UTRN: variants seen among roughly 807,000 people sequenced by gnomAD.
UTRN encodes dystrophin-related protein 1.
UTRN carries 283 observed loss-of-function variants against 463.9 expected under a neutral mutation model. The observed-to-expected ratio is 0.61, with a 90% confidence interval of 0.55 to 0.67. The LOEUF (loss-of-function observed/expected upper bound fraction) is 0.67, where lower values mean the gene tolerates loss of function less well. Ranked by LOEUF, UTRN falls within the 30% of genes least tolerant of loss-of-function variation. UTRN has a pLI of 0.00. For synonymous variants in UTRN, 1,442 were observed against 1,431.5 expected (o/e 1.01, Z -0.17); for missense variants, 3,922 against 4,084.3 (o/e 0.96, Z 1.08).
intron 51 of UTRN, among the ~76,000 whole-genome samples, chr6:144,611,600 C>T (rs967259283): frequency 6.7e-6 from 1 of 149,412 alleles, no homozygotes; most frequent in Non-Finnish European, 1.5e-5. Context: ...TAAACAATCC[C>T]ATTTACAGTA....
At position 144,771,818 on chromosome 6, in the gene UTRN, A is replaced by C. The variant is rs1794054766; in HGVS notation, c.8496-89A>C. ...CATGTATTTTTAAAAATTTGAAAAAAATCATTTCTACTTGGGTATTTCGTT... is the reference window on the plus strand; with the variant it reads ...CATGTATTTTTAAAAATTTGAAAAACATCATTTCTACTTGGGTATTTCGTT... On this transcript the variant is annotated intron_variant, in intron 58 of 74. Coordinates refer to ENST00000367545, the MANE Select transcript of UTRN (RefSeq NM_007124.3). 6 of 1,081,410 alleles carry C rather than the reference A, an allele frequency of 5.5e-6. No homozygotes were observed. The South Asian group carries it at 8.1e-5, about 15-fold the overall frequency. 67.0% of individuals were successfully genotyped at this position (1,081,410 alleles called of 1,614,324 possible).
chr6:144,734,473 C>T (rs193153477), intron 54 of UTRN, among the ~76,000 whole-genome samples: 18 of 152,284 alleles, frequency 1.2e-4, no homozygotes, highest in African/African-American at 4.3e-4. Flanking sequence ...AGCCCCTGCC[C>T]CCTCCCGTCA....
intron 23 of UTRN, among the ~76,000 whole-genome samples, chr6:144,469,493 T>A (rs1017000331): frequency 6.6e-6 from 1 of 152,214 alleles, no homozygotes; most frequent in Non-Finnish European, 1.5e-5. Flanking sequence ...CAAGGCCCCA[T>A]GGCTAGGCAG....
chr6:144,560,722 T>C (rs1359746458), intron 50 of UTRN, among the ~76,000 whole-genome samples: 1 of 152,114 alleles, frequency 6.6e-6, no homozygotes, highest in Non-Finnish European at 1.5e-5. Context: ...AATGCCAAAA[T>C]CTAAAAACAG....
At chr6:144,644,374 T>C (rs1222829229) in intron 51 of UTRN, among the ~76,000 whole-genome samples, 1 of 152,170 alleles carries the variant, frequency 6.6e-6, no homozygotes, top group Non-Finnish European at 1.5e-5. Context: ...TTGAATAAAA[T>C]ACCAGGGTAT....
At chr6:144,753,026 G>T (rs140833963) in intron 56 of UTRN, among the ~76,000 whole-genome samples, 2 of 152,270 alleles carry the variant, frequency 1.3e-5, no homozygotes, top group African/African-American at 2.4e-5. Flanking sequence ...ATAAAGTGTG[G>T]CATTTGAAGG....
At chr6:144,729,640 A>G (rs545023245) in intron 53 of UTRN, among the ~76,000 whole-genome samples, 1 of 152,340 alleles carries the variant, frequency 6.6e-6, no homozygotes, top group East Asian at 1.9e-4. Flanking sequence ...TGCAGCAGTC[A>G]CTGAAGGAGT....
At chr6:144,393,251 G>A (rs934177415) in intron 2 of UTRN, among the ~76,000 whole-genome samples, 4 of 152,152 alleles carry the variant, frequency 2.6e-5, no homozygotes, top group Admixed American at 1.3e-4. Flanking sequence ...TCTATTAATT[G>A]AATGAGCTAA....
intron 51 of UTRN, among the ~76,000 whole-genome samples, chr6:144,629,102 A>G (rs1316017970): frequency 6.6e-6 from 1 of 152,194 alleles, no homozygotes; most frequent in Non-Finnish European, 1.5e-5. Context: ...CATTCTTGAA[A>G]ATCTTTCCCT....
intron 52 of UTRN, among the ~76,000 whole-genome samples, chr6:144,682,651 G>A (rs1249568948): frequency 2.0e-5 from 3 of 152,090 alleles, no homozygotes; most frequent in African/African-American, 7.2e-5. Flanking sequence ...ATTTGTTATT[G>A]CCTGACTTTT....
chr6:144,408,692 G>A (rs1314967706), intron 3 of UTRN, among the ~76,000 whole-genome samples: 1 of 152,214 alleles, frequency 6.6e-6, no homozygotes, highest in Non-Finnish European at 1.5e-5. Flanking sequence ...AATATGGAGA[G>A]CTATTAAGAT....
intron 7 of UTRN, among the ~76,000 whole-genome samples, chr6:144,426,840 A>T (rs1369712711): frequency 1.3e-5 from 2 of 152,232 alleles, no homozygotes; most frequent in Non-Finnish European, 2.9e-5. Context: ...CCAATTAAAA[A>T]TAGCCAAATT....
intron 2 of UTRN, among the ~76,000 whole-genome samples, chr6:144,393,047 C>T (rs865941766): frequency 7.0e-6 from 1 of 143,188 alleles, no homozygotes; most frequent in Non-Finnish European, 1.5e-5. Flanking sequence ...ATCCATCCAT[C>T]CATTCATCCA....
chr6:144,822,938 G>GAAT (rs1779727727), intron 66 of UTRN, among the ~76,000 whole-genome samples: 1 of 151,928 alleles, frequency 6.6e-6, no homozygotes, highest in Non-Finnish European at 1.5e-5. Flanking sequence ...ATATCTACAC[G>GAAT]CTTTACAGGA....
intron 2 of UTRN, among the ~76,000 whole-genome samples, chr6:144,316,042 C>T (rs1451275844): frequency 1.3e-5 from 2 of 152,178 alleles, no homozygotes; most frequent in Admixed American, 1.3e-4. Flanking sequence ...ACTACCTTCT[C>T]ATCTTTCATG....
Position 144,452,659 on chromosome 6 carries a change from G to A in UTRN, c.2197-1123G>A, listed in dbSNP as rs138321991. Reference sequence around the variant, plus strand: ...CATTCCTCAACATAAAGAACAAAATGTGGGTTGGGCTTGCCATGGCTCACG... The same window carrying A: ...CATTCCTCAACATAAAGAACAAAATATGGGTTGGGCTTGCCATGGCTCACG... On this transcript the variant is annotated intron_variant, in intron 18 of 74. Coordinates refer to ENST00000367545, the MANE Select transcript of UTRN (RefSeq NM_007124.3). Among the ~76,000 whole-genome samples the A allele has an allele frequency of 2.6e-3, 391 of 152,090 alleles. 3 individuals are homozygous for A. Among genetic ancestry groups the A allele is most frequent in the East Asian group, 9.4e-3 (49 of 5,186 alleles).
At chr6:144,328,756 C>G (rs1776140975) in intron 2 of UTRN, among the ~76,000 whole-genome samples, 3 of 151,924 alleles carry the variant, frequency 2.0e-5, no homozygotes, top group South Asian at 2.1e-4. Context: ...TCATTGCCCC[C>G]ATAGACTCCT....
In UTRN at chr6:144,695,936, G is replaced by A. The variant is rs955762738; in HGVS notation, c.7653-4151G>A. On this transcript the variant is annotated intron_variant, in intron 52 of 74. Transcript: ENST00000367545. ...TTAAATATCCATTTATCAGCATAATGATGTTTAATATAGATCTTTATTAAC... is the reference window on the plus strand; with the variant it reads ...TTAAATATCCATTTATCAGCATAATAATGTTTAATATAGATCTTTATTAAC... 8.5e-5 allele frequency among the ~76,000 whole-genome samples: 13 copies of A among 152,242 alleles called. No individual in the cohort carries two copies. The East Asian group carries it at 2.3e-3, about 27-fold the overall frequency.
intron 53 of UTRN, among the ~76,000 whole-genome samples, chr6:144,723,534 A>C (rs1194577463): frequency 6.6e-6 from 1 of 152,176 alleles, no homozygotes; most frequent in Non-Finnish European, 1.5e-5. Flanking sequence ...AATTTAATGG[A>C]GGGGACAGAT....
Sources: gnomAD v4.1 joint callset for allele counts (sites outside exome capture counted in the v4.1 genomes callset) on GRCh38, gnomAD v4.1.1 for gene constraint, MANE v1.5 for transcripts, NCBI Gene and HGNC (gene_info 2026-07-23, HGNC 2026-07-21) for gene names.